The following ZNF536 variants were observed in gnomAD, a reference collection of about 807,000 sequenced individuals.
The protein encoded by ZNF536 is zinc finger protein 536.
Under a neutral mutation model 84.5 loss-of-function variants are expected in ZNF536, and 13 were observed. The observed-to-expected ratio is 0.15, with a 90% confidence interval of 0.10 to 0.24. The LOEUF is 0.24. Among genes scored for constraint, ZNF536 ranks in the 10% least tolerant of loss-of-function variants. ZNF536 has a pLI of 1.00. For synonymous variants in ZNF536, 811 were observed against 742.5 expected (o/e 1.09, Z -1.50); for missense variants, 1,536 against 1,747.5 (o/e 0.88, Z 2.16).
chr19:30,549,572 T>C (rs2146262702), intron 4 of ZNF536, 58 bp downstream of exon 4: 1 of 1,424,962 alleles, frequency 7.0e-7, no homozygotes, highest in Non-Finnish European at 9.2e-7. Flanking sequence ...TGCTGAATTG[T>C]GCATTTAAAA....
chr19:30,584,524 T>C (rs2047031850), intron 1 of ZNF536, among the ~76,000 whole-genome samples: 1 of 152,198 alleles, frequency 6.6e-6, no homozygotes, highest in Non-Finnish European at 1.5e-5. Flanking sequence ...GATATATATC[T>C]ATGCAAAGTA....
At position 30,548,262 on chromosome 19, in the gene ZNF536, C is replaced by G. The variant is rs372992487; in HGVS notation, c.2643C>G (p.Pro881=). 2 of 1,614,238 alleles carry G rather than the reference C, an allele frequency of 1.2e-6. No individual in the cohort carries two copies. ...CCACGGGCATGTCTTCGGAGGTCCCCTCAGATGCTCTGAAAGGCACTGACC... is the reference window on the plus strand; with the variant it reads ...CCACGGGCATGTCTTCGGAGGTCCCGTCAGATGCTCTGAAAGGCACTGACC... The part of the protein sequence containing the change: ...GQATGMSSEV[P]SDALKGTDLP... The change falls in exon 4 of 5, where the codon CCC becomes CCG. Residue 881 remains proline (P), a synonymous_variant. Coordinates refer to ENST00000355537, the MANE Select transcript of ZNF536 (RefSeq NM_014717.3).
At chr19:30,610,505 C>T (rs916471878) in intron 1 of ZNF536, among the ~76,000 whole-genome samples, 3 of 152,148 alleles carry the variant, frequency 2.0e-5, no homozygotes, top group African/African-American at 7.2e-5. Context: ...TTAGGACTCC[C>T]CATTGGGCTG....
intron 1 of ZNF536, among the ~76,000 whole-genome samples, chr19:30,634,942 C>T (rs1345172892): frequency 1.3e-5 from 2 of 152,188 alleles, no homozygotes; most frequent in African/African-American, 4.8e-5. Flanking sequence ...AGTGTCACCA[C>T]TGTCAAAAGC....
chr19:30,365,861 T>C (rs984164739), intron 3 of ZNF536, among the ~76,000 whole-genome samples: 5 of 152,214 alleles, frequency 3.3e-5, no homozygotes, highest in Admixed American at 1.3e-4. Flanking sequence ...CTACGAAATC[T>C]CTGGTTGAAT....
At chr19:30,521,015 A>G (rs1434927499) in intron 2 of ZNF536, among the ~76,000 whole-genome samples, 3 of 152,178 alleles carry the variant, frequency 2.0e-5, no homozygotes, top group Admixed American at 1.3e-4. Context: ...TTGCAAGCCC[A>G]TTGCCTCATG....
chr19:30,633,336 T>C (rs933543423), intron 1 of ZNF536, among the ~76,000 whole-genome samples: 4 of 152,258 alleles, frequency 2.6e-5, no homozygotes, highest in African/African-American at 9.6e-5. Flanking sequence ...AGAGGAGTTA[T>C]GGTTTTAAAT....
intron 3 of ZNF536, among the ~76,000 whole-genome samples, chr19:30,544,050 T>C (rs1267532358): frequency 6.6e-6 from 1 of 152,198 alleles, no homozygotes; most frequent in African/African-American, 2.4e-5. Context: ...TCCAATCATT[T>C]AGCGATTACG....
intron 2 of ZNF536, among the ~76,000 whole-genome samples, chr19:30,298,658 A>G (rs2046084428): frequency 6.6e-6 from 1 of 152,238 alleles, no homozygotes; most frequent in Non-Finnish European, 1.5e-5. Flanking sequence ...TGCTGGGAGA[A>G]TCTGTTTCAG....
intron 1 of ZNF536, among the ~76,000 whole-genome samples, chr19:30,383,825 T>TCC (rs2049167244): frequency 1.4e-5 from 2 of 140,218 alleles, no homozygotes; most frequent in African/African-American, 2.8e-5. Flanking sequence ...TCTTTCTTTC[T>TCC]TTCTCCTTCT....
intron 3 of ZNF536, among the ~76,000 whole-genome samples, chr19:30,537,329 G>A (rs1048131386): frequency 1.8e-4 from 27 of 152,164 alleles, no homozygotes; most frequent in African/African-American, 4.3e-4. Flanking sequence ...GTGGGGACCC[G>A]CAGACTGCCA....
upstream of ZNF536, among the ~76,000 whole-genome samples, chr19:30,367,972 C>T (rs1038590693): frequency 1.3e-5 from 2 of 152,208 alleles, no homozygotes; most frequent in Non-Finnish European, 2.9e-5. Flanking sequence ...ATCCATTGCA[C>T]AGCTGGACCA....
chr19:30,243,913 A>G (rs527768240), intron 1 of ZNF536, among the ~76,000 whole-genome samples: 1 of 152,328 alleles, frequency 6.6e-6, no homozygotes, highest in East Asian at 1.9e-4. Context: ...TGCCATTGCA[A>G]TTTGTATTCA....
intron 1 of ZNF536, among the ~76,000 whole-genome samples, chr19:30,254,102 G>A (rs1275156352): frequency 6.6e-6 from 1 of 152,160 alleles, no homozygotes; most frequent in African/African-American, 2.4e-5. Flanking sequence ...TAGCCGGGCT[G>A]AAACTTGTTC....
chr19:30,298,616 C>T (rs1033860747), intron 2 of ZNF536, among the ~76,000 whole-genome samples: 1 of 152,168 alleles, frequency 6.6e-6, no homozygotes, highest in Non-Finnish European at 1.5e-5. Context: ...GACTTGAGAC[C>T]AAGGAATACA....
chr19:30,483,670 G>A (rs534022242), intron 2 of ZNF536, among the ~76,000 whole-genome samples: 7 of 152,202 alleles, frequency 4.6e-5, no homozygotes, highest in East Asian at 3.9e-4. Flanking sequence ...CACAGTTTCC[G>A]TCTAGTTCGT....
At chr19:30,478,945 C>T (rs1329378111) in intron 2 of ZNF536, among the ~76,000 whole-genome samples, 2 of 152,148 alleles carry the variant, frequency 1.3e-5, no homozygotes, top group Non-Finnish European at 2.9e-5. Context: ...GCCATTTTTG[C>T]CTGTCTGGGG....
rs553887643 is a variant in ZNF536, at chr19:30,513,560, C to T, written c.2171-21287C>T. On this transcript the variant is annotated intron_variant, in intron 2 of 4. Coordinates refer to ENST00000355537, the MANE Select transcript of ZNF536 (RefSeq NM_014717.3). ...GTTAAAAATAACATTTATTAAATGT[C>T]TTGTAACACAAGAATCTGGTCTATG... 4.5e-4 allele frequency among the ~76,000 whole-genome samples: 68 copies of T among 152,292 alleles called. No homozygotes were observed. In the South Asian group the frequency reaches 6.4e-3, roughly 14 times the overall value.
chr19:30,388,726 C>A lies in ZNF536; in HGVS notation c.-3+16170C>A, dbSNP rs141979565. On this transcript the variant is annotated intron_variant, in intron 1 of 4. Coordinates refer to ENST00000355537, the MANE Select transcript of ZNF536 (RefSeq NM_014717.3). ...TATCAAGAGACCAGTTCTTTAGAAACAAATGCTATGATTTTCAGAATTAGG... is the reference window on the plus strand; with the variant it reads ...TATCAAGAGACCAGTTCTTTAGAAAAAAATGCTATGATTTTCAGAATTAGG... 3.8e-3 allele frequency among the ~76,000 whole-genome samples: 584 copies of A among 152,322 alleles called. 8 individuals are homozygous for A. Among genetic ancestry groups the A allele is most frequent in the African/African-American group, 0.013 (556 of 41,568 alleles).
Sources: allele counts gnomAD v4.1 joint callset (sites outside exome capture counted in the v4.1 genomes callset), GRCh38; gene constraint gnomAD v4.1.1; transcripts MANE v1.5; gene names NCBI Gene and HGNC (gene_info 2026-07-23, HGNC 2026-07-21).